Variants in PHF20 observed in about 807,000 individuals in gnomAD.
PHF20 encodes the protein glioma-expressed antigen 2.
In PHF20, 23 loss-of-function variants were observed where a neutral mutation model predicts 113.5. The ratio of observed to expected loss-of-function variants is 0.20; its 90% CI spans 0.15 to 0.29. PHF20 has a LOEUF of 0.29. Ranked by LOEUF, PHF20 falls within the 10% of genes least tolerant of loss-of-function variation. The pLI, the probability that PHF20 is intolerant of heterozygous loss-of-function variation, is 1.00. For missense variants in PHF20, 943 were observed against 1,219.6 expected, an observed-to-expected ratio of 0.77 and a Z score of 3.38; for synonymous variants, 434 against 457.3, an observed-to-expected ratio of 0.95 and a Z score of 0.65.
chr20:35,901,069 A>G (rs2055086328), intron 10 of PHF20, among the ~76,000 whole-genome samples: 1 of 152,018 alleles, frequency 6.6e-6, no homozygotes, highest in South Asian at 2.1e-4. Context: ...TCATTTATGA[A>G]AAAGTATTGG....
In PHF20 at chr20:35,772,030, T is replaced by G. The variant is rs1039783686; in HGVS notation, c.-82T>G. 10 of 151,236 alleles carry G rather than the reference T, an allele frequency of 6.6e-5. No homozygotes were observed. Among genetic ancestry groups the G allele is most frequent in the Admixed American group, 5.9e-4 (9 of 15,196 alleles). 9.4% of individuals were successfully genotyped at this position (151,236 alleles called of 1,614,324 possible). A position where few individuals can be genotyped will look rare whatever the true frequency, so the allele number is the denominator to read the frequency against. ...GTCACGTGGTGCAGAGCACGCAGAG[T>G]CCTTCTGTCGGTTGGTCCTGGAGCG... is the stretch of plus-strand genomic sequence containing the variant. On this transcript the variant is annotated 5_prime_UTR_variant, in exon 1 of 18. Transcript: ENST00000374012.
intron 17 of PHF20, among the ~76,000 whole-genome samples, chr20:35,942,174 G>A (rs112405353): frequency 0.011 from 1,696 of 152,102 alleles, 23 homozygotes; most frequent in African/African-American, 0.038. Context: ...AGGCTGAGGC[G>A]GGAGGACTGC....
chr20:35,882,227 A>C (rs950881271), intron 9 of PHF20, among the ~76,000 whole-genome samples: 3 of 152,188 alleles, frequency 2.0e-5, no homozygotes, highest in African/African-American at 4.8e-5. Flanking sequence ...TATATACCAT[A>C]GAATGTTATT....
intron 15 of PHF20, among the ~76,000 whole-genome samples, chr20:35,933,106 T>C (rs1600959656): frequency 1.7e-5 from 2 of 116,136 alleles, no homozygotes; most frequent in African/African-American, 6.0e-5. Flanking sequence ...TAAATATTCC[T>C]TTTTTTTTTT....
chr20:35,946,291 G>A (rs907518355), intron 17 of PHF20, among the ~76,000 whole-genome samples: 6 of 151,568 alleles, frequency 4.0e-5, no homozygotes, highest in South Asian at 2.1e-4. Flanking sequence ...AAAATTCGCC[G>A]GGCGTGGTGG....
rs558782536 is a variant in PHF20, at chr20:35,902,208, C to T, written c.1561+2560C>T. Among the ~76,000 whole-genome samples the T allele has an allele frequency of 3.9e-5, 6 of 152,276 alleles. No individual in the cohort carries two copies. In the East Asian group the frequency reaches 1.2e-3, roughly 29 times the overall value. On this transcript the variant is annotated intron_variant, in intron 10 of 17. Coordinates refer to ENST00000374012, the MANE Select transcript of PHF20 (RefSeq NM_016436.5). ...ACAGTATCCCATGGGCTCTGCAGCACTGTAGAAACAACCAGCACTGAAGGA... is the reference window on the plus strand; with the variant it reads ...ACAGTATCCCATGGGCTCTGCAGCATTGTAGAAACAACCAGCACTGAAGGA...
intron 2 of PHF20, among the ~76,000 whole-genome samples, chr20:35,812,130 C>T (rs1280438681): frequency 1.3e-5 from 2 of 152,084 alleles, no homozygotes; most frequent in African/African-American, 2.4e-5. Flanking sequence ...GACATTATAC[C>T]TTCCACCTGT....
intron 2 of PHF20, among the ~76,000 whole-genome samples, chr20:35,818,960 T>A (rs1195178572): frequency 1.3e-5 from 2 of 151,674 alleles, no homozygotes; most frequent in Non-Finnish European, 2.9e-5. Flanking sequence ...TGAGACAGTC[T>A]TGCTCTGCTG....
intron 2 of PHF20, among the ~76,000 whole-genome samples, chr20:35,835,047 C>T (rs959304216): frequency 2.6e-5 from 4 of 151,946 alleles, no homozygotes; most frequent in Admixed American, 2.6e-4. Flanking sequence ...GAGGCTGAGG[C>T]GGGCGGATCA....
intron 16 of PHF20, among the ~76,000 whole-genome samples, chr20:35,940,405 A>G (rs1178157626): frequency 1.3e-5 from 2 of 151,982 alleles, no homozygotes; most frequent in Non-Finnish European, 2.9e-5. Context: ...TGAACCTTCC[A>G]AATAGGTTTT....
intron 9 of PHF20, among the ~76,000 whole-genome samples, chr20:35,895,846 C>G (rs1040364967): frequency 6.6e-6 from 1 of 151,942 alleles, no homozygotes; most frequent in Non-Finnish European, 1.5e-5. Flanking sequence ...CCACCACGCC[C>G]AGCTAATTTT....
At chr20:35,798,646 G>A (rs2041716377) in intron 1 of PHF20, among the ~76,000 whole-genome samples, 1 of 151,642 alleles carries the variant, frequency 6.6e-6, no homozygotes, top group African/African-American at 2.4e-5. Context: ...TAGAGACGGG[G>A]TTTCTGCATG....
intron 9 of PHF20, among the ~76,000 whole-genome samples, chr20:35,891,309 G>A (rs1282569892): frequency 2.6e-5 from 4 of 151,628 alleles, no homozygotes; most frequent in Non-Finnish European, 5.9e-5. Context: ...CCCAGGAGGC[G>A]GAGGTTGCAG....
At chr20:35,874,501 A>T (rs1286794968) in intron 9 of PHF20, among the ~76,000 whole-genome samples, 1 of 150,218 alleles carries the variant, frequency 6.7e-6, no homozygotes, top group East Asian at 1.9e-4. Context: ...TTTTTTTTTT[A>T]AAGATAGAGT....
chr20:35,894,189 A>G (rs1056494615), intron 9 of PHF20, among the ~76,000 whole-genome samples: 5 of 152,250 alleles, frequency 3.3e-5, no homozygotes, highest in Non-Finnish European at 5.9e-5. Context: ...GCCAGGGCAT[A>G]TGAAGACTGG....
In PHF20 at chr20:35,808,935, A is replaced by T. The variant is rs545285523; in HGVS notation, c.83+7330A>T. Among the ~76,000 whole-genome samples, 5 of 151,770 alleles carry T rather than the reference A, an allele frequency of 3.3e-5. No individual in the cohort carries two copies. In the South Asian group the frequency reaches 1.0e-3, roughly 32 times the overall value. ...GAGGAAAACGTTATGGCCATCTTGT[A>T]CAAATTTCTAGGAACAAATTTTAAA... On this transcript the variant is annotated intron_variant, in intron 2 of 17. Coordinates refer to ENST00000374012, the MANE Select transcript of PHF20 (RefSeq NM_016436.5).
chr20:35,853,739 C>T (rs2042780248), intron 4 of PHF20, among the ~76,000 whole-genome samples: 1 of 151,152 alleles, frequency 6.6e-6, no homozygotes, highest in Non-Finnish European at 1.5e-5. Flanking sequence ...GGATGGGTGA[C>T]GAAGACCCTA....
chr20:35,863,883 T>A (rs2054264959), intron 6 of PHF20, among the ~76,000 whole-genome samples: 1 of 151,810 alleles, frequency 6.6e-6, no homozygotes, highest in Non-Finnish European at 1.5e-5. Context: ...CCTTGGAGAG[T>A]GATTATTGAT....
At chr20:35,875,964 T>G (rs759683237) in intron 9 of PHF20, among the ~76,000 whole-genome samples, 2 of 152,236 alleles carry the variant, frequency 1.3e-5, no homozygotes, top group Non-Finnish European at 2.9e-5. Flanking sequence ...TAATTATGTT[T>G]CTGGATTGTG....
Sources: gnomAD v4.1 joint callset for allele counts (sites outside exome capture counted in the v4.1 genomes callset) on GRCh38, gnomAD v4.1.1 for gene constraint, MANE v1.5 for transcripts, NCBI Gene and HGNC (gene_info 2026-07-23, HGNC 2026-07-21) for gene names.